CLUAP1: variants seen among roughly 807,000 people sequenced by gnomAD.
The protein encoded by CLUAP1 is intraflagellar transport 38.
In CLUAP1, 50 loss-of-function variants were observed where a neutral mutation model predicts 55.0. That is an observed-to-expected ratio of 0.91 (90% CI 0.72 to 1.15). The LOEUF (loss-of-function observed/expected upper bound fraction) is 1.15. Among genes scored for constraint, CLUAP1 ranks in the 50% most tolerant of loss-of-function variants. The pLI is 0.00. For synonymous variants in CLUAP1, 195 were observed against 175.4 expected (o/e 1.11, Z -0.88); for missense variants, 530 against 507.6 (o/e 1.04, Z -0.42).
At chr16:3,501,228 C>T in intron 1 of CLUAP1, 139 bp downstream of exon 1, 2 of 860,074 alleles carry the variant, frequency 2.3e-6, no homozygotes, top group South Asian at 3.2e-5. Flanking sequence ...TCAGGGACCG[C>T]CTGACCCGCG....
intron 11 of CLUAP1, chr16:3,533,431 AC>A: frequency 2.1e-6 from 1 of 480,170 alleles, no homozygotes. Context: ...CGGGCTCAGG[AC>A]CAACCCCCCT....
At position 3,508,581 on chromosome 16, in the gene CLUAP1, G is replaced by A. The variant is rs1355934794; in HGVS notation, c.399+113G>A. On this transcript the variant is annotated intron_variant, in intron 4 of 11. Coordinates refer to ENST00000576634, the MANE Select transcript of CLUAP1 (RefSeq NM_015041.3). The stretch of plus-strand genomic sequence containing the variant: ...TTTTCTTCCTCCTCAGCTGAGGGCA[G>A]TTTGTCAGTTTTGTGCTCATCAGCA... 5 of 931,982 alleles carry A rather than the reference G, an allele frequency of 5.4e-6. No homozygotes were observed. In the African/African-American group the frequency reaches 8.8e-5, roughly 16 times the overall value. 57.7% of individuals were successfully genotyped at this position (931,982 alleles called of 1,614,324 possible). A position where few individuals can be genotyped will look rare whatever the true frequency, so the allele number is the denominator to read the frequency against.
chr16:3,533,786 A>C (rs911006464), intron 11 of CLUAP1: 3 of 152,810 alleles, frequency 2.0e-5, no homozygotes, highest in African/African-American at 7.2e-5. Context: ...CAACTGGAAA[A>C]TAATTTTCCT....
At chr16:3,497,336 G>C (rs2037325540), upstream of CLUAP1, among the ~76,000 whole-genome samples, 1 of 151,810 alleles carries the variant, frequency 6.6e-6, no homozygotes, top group African/African-American at 2.4e-5. Context: ...AGAATAAAAA[G>C]AATAAAATAG....
intron 5 of CLUAP1, among the ~76,000 whole-genome samples, chr16:3,514,021 G>A (rs2037684537): frequency 6.6e-6 from 1 of 152,200 alleles, no homozygotes; most frequent in South Asian, 2.1e-4. Context: ...CTGATGAAGT[G>A]TGGTTGGCAG....
At chr16:3,505,081 A>C (rs909094947) in intron 2 of CLUAP1, among the ~76,000 whole-genome samples, 11 of 152,130 alleles carry the variant, frequency 7.2e-5, no homozygotes, top group South Asian at 4.1e-4. Flanking sequence ...CCATACACAA[A>C]AGAACAATTA....
At chr16:3,510,160 A>G (rs1258051443) in intron 4 of CLUAP1, among the ~76,000 whole-genome samples, 1 of 152,056 alleles carries the variant, frequency 6.6e-6, no homozygotes, top group African/African-American at 2.4e-5. Flanking sequence ...ACACCCAGCT[A>G]ATTTTTTACT....
At chr16:3,535,999 C>T (rs2151074159) in intron 11 of CLUAP1, 123 bp from the exon 12 acceptor site, 2 of 1,170,194 alleles carry the variant, frequency 1.7e-6, no homozygotes, top group East Asian at 2.5e-5. Context: ...GCCTGCTTGC[C>T]ACTCTGCCAG....
chr16:3,531,950 T>A (rs992826202), intron 10 of CLUAP1, among the ~76,000 whole-genome samples: 1 of 151,946 alleles, frequency 6.6e-6, no homozygotes, highest in Admixed American at 6.6e-5. Context: ...AGGGAGCAAT[T>A]CTCCTGCAAT....
intron 8 of CLUAP1, among the ~76,000 whole-genome samples, chr16:3,524,684 T>TA (rs1276879086): frequency 6.6e-6 from 1 of 151,920 alleles, no homozygotes; most frequent in Admixed American, 6.6e-5. Context: ...GATTGTTTTG[T>TA]AAAGAGGAAT....
At chr16:3,507,211 G>T (rs1358400749) in intron 3 of CLUAP1, among the ~76,000 whole-genome samples, 1 of 148,148 alleles carries the variant, frequency 6.8e-6, no homozygotes, top group Non-Finnish European at 1.5e-5. Context: ...AAAAAAAAAA[G>T]AATTTTATTT....
intron 10 of CLUAP1, among the ~76,000 whole-genome samples, chr16:3,531,462 C>T (rs1481669293): frequency 1.3e-5 from 2 of 151,654 alleles, no homozygotes; most frequent in Non-Finnish European, 2.9e-5. Context: ...GCGGAGCTTG[C>T]AGTGAGCCGA....
chr16:3,535,981 C>A, intron 11 of CLUAP1, 141 bp from the exon 12 acceptor site: 1 of 919,492 alleles, frequency 1.1e-6, no homozygotes, highest in Non-Finnish European at 1.6e-6. Flanking sequence ...TCTGTATGCC[C>A]TCCCACAGCC....
Position 3,523,319 on chromosome 16 carries a change from T to C in CLUAP1, c.855+20T>C, listed in dbSNP as rs764449609. 198 of 1,594,902 alleles carry C rather than the reference T, an allele frequency of 1.2e-4. 2 individuals carry two copies. The East Asian group carries it at 4.4e-3, about 35-fold the overall frequency. ...TTTGAGGTGAGCTGAGCCTGTCCTC[T>C]GTTCAGCCATTCCTTCTGGTGTGTT... On this transcript the variant is annotated intron_variant, in intron 8 of 11. Transcript: ENST00000576634.
chr16:3,496,768 C>A, upstream of CLUAP1: 1 of 467,694 alleles, frequency 2.1e-6, no homozygotes. Context: ...GCTACAAAAA[C>A]GAACCCTCTT....
At chr16:3,506,501 A>T (rs183742106) in intron 3 of CLUAP1, 86 bp downstream of exon 3, 142 of 1,059,754 alleles carry the variant, frequency 1.3e-4, no homozygotes, top group Admixed American at 2.2e-4. Flanking sequence ...CAAACTGTGT[A>T]ATTGAGTTTT....
At chr16:3,506,860 A>C (rs1162768334) in intron 3 of CLUAP1, among the ~76,000 whole-genome samples, 1 of 152,100 alleles carries the variant, frequency 6.6e-6, no homozygotes, top group Non-Finnish European at 1.5e-5. Flanking sequence ...CCATTTCACC[A>C]GCGAAGTTCT....
chr16:3,524,883 G>A (rs929912414), intron 8 of CLUAP1, among the ~76,000 whole-genome samples: 1 of 152,162 alleles, frequency 6.6e-6, no homozygotes, highest in Non-Finnish European at 1.5e-5. Context: ...TTTTTGAATT[G>A]CCCTATCCTT....
chr16:3,500,365 C>CTTTTTTTTTTTTTTTTT (rs1567418209), upstream of CLUAP1, among the ~76,000 whole-genome samples: 2 of 140,254 alleles, frequency 1.4e-5, 1 homozygote, highest in African/African-American at 5.4e-5. Flanking sequence ...GAGTATAGTG[C>CTTTTTTTTTTTTTTTTT]ATTTTTTTTT....
Sources: allele counts gnomAD v4.1 joint callset (sites outside exome capture counted in the v4.1 genomes callset), GRCh38; gene constraint gnomAD v4.1.1; transcripts MANE v1.5; gene names NCBI Gene and HGNC (gene_info 2026-07-23, HGNC 2026-07-21).